Variants in JMJD1C observed in about 807,000 individuals in gnomAD.
JMJD1C encodes jumonji domain containing 1C, also known as jumonji domain-containing protein 1C.
In JMJD1C, 31 loss-of-function variants were observed where a neutral mutation model predicts 245.3. That is an observed-to-expected ratio of 0.13 (90% CI 0.09 to 0.17). The LOEUF (loss-of-function observed/expected upper bound fraction) is 0.17, where lower values mean the gene tolerates loss of function less well. JMJD1C is among the 10% of genes least tolerant of loss of function. The pLI, the probability that JMJD1C is intolerant of heterozygous loss-of-function variation, is 1.00. For synonymous variants in JMJD1C, 1,057 were observed against 1,017.4 expected (o/e 1.04, Z -0.74); for missense variants, 2,691 against 3,000.2 (o/e 0.90, Z 2.41).
intron 1 of JMJD1C, among the ~76,000 whole-genome samples, chr10:63,409,517 A>G (rs1949365288): frequency 6.6e-6 from 1 of 152,166 alleles, no homozygotes; most frequent in African/African-American, 2.4e-5. Context: ...TAAAAACTAT[A>G]TTTTACATAA....
Position 63,215,118 on chromosome 10 carries a change from T to C in JMJD1C, c.1049A>G (p.Asn350Ser), listed in dbSNP as rs774720516. 5 of 1,573,718 alleles carry C rather than the reference T, an allele frequency of 3.2e-6. No homozygotes were observed. Among genetic ancestry groups the C allele is most frequent in the Non-Finnish European group, 4.3e-6 (5 of 1,166,080 alleles). Residue 350 changes from asparagine to serine, a missense_variant, in exon 8 of 26, where the codon AAT (asparagine) becomes AGT (serine). Around this residue, in one of 9 missense-constraint regions of JMJD1C, gnomAD observed 1,562 missense variants for 1,490.7 expected, o/e 1.05. Transcript: ENST00000399262. The stretch of plus-strand genomic sequence containing the variant: ...ATCCTCCTCAGGTTTCCTTCTTTTA[T>C]TCATCAAGTGTTTGTTTTTACCTTT... ...NPKGKNKHLM[N>S]KRRKPEEDEK...
intron 12 of JMJD1C, among the ~76,000 whole-genome samples, chr10:63,198,273 C>G (rs1448700313): frequency 2.0e-5 from 3 of 152,102 alleles, no homozygotes; most frequent in African/African-American, 7.2e-5. Flanking sequence ...AACACATTAA[C>G]TTAATGTTGT....
intron 2 of JMJD1C, among the ~76,000 whole-genome samples, chr10:63,323,608 A>T (rs988823354): frequency 1.3e-5 from 2 of 152,226 alleles, no homozygotes; most frequent in Admixed American, 6.5e-5. Context: ...CAGAAGTCAT[A>T]CTGATAAGAG....
intron 2 of JMJD1C, among the ~76,000 whole-genome samples, chr10:63,314,248 GTTCCT>G (rs1330911884): frequency 6.6e-6 from 1 of 152,176 alleles, no homozygotes; most frequent in African/African-American, 2.4e-5. Flanking sequence ...GTTAAAAAAA[GTTCCT>G]TTAGAATCTT....
At position 63,224,595 on chromosome 10, in the gene JMJD1C, T is replaced by A. The variant is rs888398212; in HGVS notation, c.448-4612A>T. Reference sequence around the variant, plus strand: ...CCAAATAGGTTTTTTATATATATATTTACTGACTTGAATAATTTTGTAAAG... The same window carrying A: ...CCAAATAGGTTTTTTATATATATATATACTGACTTGAATAATTTTGTAAAG... On this transcript the variant is annotated intron_variant, in intron 3 of 25. Coordinates refer to ENST00000399262, the MANE Select transcript of JMJD1C (RefSeq NM_032776.3). Among the ~76,000 whole-genome samples, 5 of 151,788 alleles carry A rather than the reference T, an allele frequency of 3.3e-5. No homozygotes were observed. The South Asian group carries it at 6.6e-4, about 20-fold the overall frequency.
intron 2 of JMJD1C, among the ~76,000 whole-genome samples, chr10:63,317,487 A>C (rs563007188): frequency 2.6e-5 from 4 of 152,164 alleles, no homozygotes; most frequent in Non-Finnish European, 5.9e-5. Flanking sequence ...TTCTATTTGA[A>C]TGTATGTCTC....
At chr10:63,292,737 T>G (rs181537548) in intron 2 of JMJD1C, among the ~76,000 whole-genome samples, 1 of 152,198 alleles carries the variant, frequency 6.6e-6, no homozygotes, top group East Asian at 1.9e-4. Context: ...CCTACCATTC[T>G]TAATGTCTTC....
chr10:63,460,941 T>C, intron 1 of JMJD1C, among the ~76,000 whole-genome samples: 1 of 152,176 alleles, frequency 6.6e-6, no homozygotes, highest in East Asian at 1.9e-4. Context: ...TTTAAAATTA[T>C]TGGAAATTAT....
At chr10:63,267,407 T>A (rs1207896476) in intron 2 of JMJD1C, among the ~76,000 whole-genome samples, 7 of 152,032 alleles carry the variant, frequency 4.6e-5, no homozygotes, top group African/African-American at 1.4e-4. Flanking sequence ...TTAAAAATAA[T>A]AAAAAACATA....
At chr10:63,360,238 T>TA (rs1184154143) in intron 2 of JMJD1C, among the ~76,000 whole-genome samples, 26 of 151,998 alleles carry the variant, frequency 1.7e-4, no homozygotes, top group African/African-American at 6.3e-4. Context: ...AGTAGCCCGC[T>TA]AAGTCACAGC....
At chr10:63,483,725 T>C (rs1357154966) in intron 1 of JMJD1C, among the ~76,000 whole-genome samples, 1 of 152,220 alleles carries the variant, frequency 6.6e-6, no homozygotes, top group African/African-American at 2.4e-5. Flanking sequence ...GCTGCTGGCA[T>C]CTATTTTATA....
At chr10:63,225,628 A>G (rs1195851237) in intron 3 of JMJD1C, among the ~76,000 whole-genome samples, 1 of 152,082 alleles carries the variant, frequency 6.6e-6, no homozygotes, top group Non-Finnish European at 1.5e-5. Context: ...AAATACAAAA[A>G]TTAGCCAGGT....
chr10:63,276,238 G>A (rs1424937202), intron 2 of JMJD1C, among the ~76,000 whole-genome samples: 6 of 151,948 alleles, frequency 3.9e-5, no homozygotes, highest in African/African-American at 1.2e-4. Flanking sequence ...AGGCCGAGGC[G>A]GGCAGATCAC....
intron 1 of JMJD1C, among the ~76,000 whole-genome samples, chr10:63,426,879 T>C (rs929034421): frequency 1.3e-5 from 2 of 152,246 alleles, no homozygotes; most frequent in African/African-American, 4.8e-5. Context: ...CTTGGCTTCA[T>C]GACTCCATTA....
intron 24 of JMJD1C, among the ~76,000 whole-genome samples, chr10:63,174,742 G>A (rs996325244): frequency 6.6e-6 from 1 of 152,090 alleles, no homozygotes; most frequent in Non-Finnish European, 1.5e-5. Context: ...GCTGAGGCAG[G>A]AGAATCGCTT....
In JMJD1C at chr10:63,177,744, A is replaced by T; in HGVS notation, c.7197T>A (p.Val2399=). 1 of 1,614,118 alleles carries T rather than the reference A, an allele frequency of 6.2e-7. No homozygotes were observed. Among genetic ancestry groups the T allele is most frequent in the Non-Finnish European group, 8.5e-7 (1 of 1,179,986 alleles). ...ALWHIYAGKD[V]DKIREFLQKI... ...TTTGAAGAAATTCCCTTATCTTGTC[A>T]ACATCTTTCCCAGCATAAATATGCC... Residue 2399 remains valine, a synonymous_variant, in exon 23 of 26, where the codon GTT becomes GTA. Coordinates refer to ENST00000399262, the MANE Select transcript of JMJD1C (RefSeq NM_032776.3).
intron 1 of JMJD1C, among the ~76,000 whole-genome samples, chr10:63,426,099 G>C (rs1950424558): frequency 6.6e-6 from 1 of 152,154 alleles, no homozygotes; most frequent in Admixed American, 6.5e-5. Context: ...TTCTTGCCAG[G>C]CCTGGTGGCT....
intron 4 of JMJD1C, among the ~76,000 whole-genome samples, chr10:63,219,099 G>T (rs1362637589): frequency 1.3e-5 from 2 of 152,040 alleles, no homozygotes; most frequent in Non-Finnish European, 2.9e-5. Flanking sequence ...TTCTGTTTTT[G>T]TATGTGTTTG....
intron 2 of JMJD1C, among the ~76,000 whole-genome samples, chr10:63,371,145 A>AT (rs71025167): frequency 0.38 from 53,858 of 142,688 alleles, 11,136 homozygotes; most frequent in African/African-American, 0.56. Flanking sequence ...CAATAGGCTA[A>AT]TTTTTTTTTT....
Sources: gnomAD v4.1 joint callset for allele counts (sites outside exome capture counted in the v4.1 genomes callset) on GRCh38, gnomAD v4.1.1 for gene constraint, gnomAD v4.1.1 regional missense constraint, MANE v1.5 for transcripts, NCBI Gene and HGNC (gene_info 2026-07-23, HGNC 2026-07-21) for gene names.